Variants in MFSD6 observed in about 807,000 individuals in gnomAD.
The protein encoded by MFSD6 is major facilitator superfamily domain-containing protein 6.
In MFSD6, 26 loss-of-function variants were observed where a neutral mutation model predicts 56.3. The ratio of observed to expected loss-of-function variants is 0.46; its 90% CI spans 0.34 to 0.64. MFSD6 has a LOEUF of 0.64. Ranked by LOEUF, MFSD6 falls within the 30% of genes least tolerant of loss-of-function variation. The pLI, the probability that MFSD6 is intolerant of heterozygous loss-of-function variation, is 0.01. For synonymous variants in MFSD6, 331 were observed against 366.9 expected, an observed-to-expected ratio of 0.90 and a Z score of 1.12; for missense variants, 750 against 986.2, an observed-to-expected ratio of 0.76 and a Z score of 3.21.
Position 190,469,933 on chromosome 2 carries a change from C to G in MFSD6, c.1630+78C>G, listed in dbSNP as rs950719410. On this transcript the variant is annotated intron_variant, in intron 4 of 7. Coordinates refer to ENST00000392328, the MANE Select transcript of MFSD6 (RefSeq NM_017694.4). This position sits in a 1 kb window ranked among gnomAD's most constrained non-coding sequence, Gnocchi z 5.3. ...CTAAAAGCCCAGTGGCCTTCAGCATCTGATTCTATAAAGGAAGGGCAGGCC... is the reference window on the plus strand; with the variant it reads ...CTAAAAGCCCAGTGGCCTTCAGCATGTGATTCTATAAAGGAAGGGCAGGCC... The G allele has an allele frequency of 2.0e-6, 2 of 1,003,144 alleles. No individual in the cohort carries two copies. Among genetic ancestry groups the G allele is most frequent in the Non-Finnish European group, 3.0e-6 (2 of 660,958 alleles). The allele number at this position is 1,003,144 out of a possible 1,614,324, so 62.1% of individuals were successfully genotyped here.
At position 190,415,869 on chromosome 2, in the gene MFSD6, C is replaced by A. The variant is rs1003645171; in HGVS notation, c.-54+456C>A. Among the ~76,000 whole-genome samples the A allele has an allele frequency of 6.6e-6, 1 of 152,170 alleles. No individual in the cohort carries two copies. The highest frequency in any genetic ancestry group is 1.5e-5 in the Non-Finnish European group (1 of 68,032). On this transcript the variant is annotated intron_variant, in intron 2 of 7. Transcript: ENST00000392328. This position sits in a 1 kb window ranked among gnomAD's most constrained non-coding sequence, Gnocchi z 4.5. ...ACTCATAAAAGGTCTGAGAAAGAAG[C>A]ACCCATACATTTCTGTTTAAACTGC...
In MFSD6 at chr2:190,410,560, A is replaced by C. The variant is rs1005924489; in HGVS notation, c.-176+2057A>C. ...TAATTTATATATTTATTACGTATGT[A>C]TATTAATGTGTGTATGTTTACCCTT... On this transcript the variant is annotated intron_variant, in intron 1 of 7. Coordinates refer to ENST00000392328, the MANE Select transcript of MFSD6 (RefSeq NM_017694.4). This position sits in a 1 kb window ranked among gnomAD's most constrained non-coding sequence, Gnocchi z 4.4. Among the ~76,000 whole-genome samples the C allele has an allele frequency of 6.6e-6, 1 of 152,238 alleles. No homozygotes were observed. Among genetic ancestry groups the C allele is most frequent in the African/African-American group, 2.4e-5 (1 of 41,462 alleles).
In MFSD6 at chr2:190,439,408, G is replaced by A. The variant is rs992286671; in HGVS notation, c.1532+1847G>A. Among the ~76,000 whole-genome samples the A allele has an allele frequency of 6.6e-6, 1 of 151,768 alleles. No individual in the cohort carries two copies. Among genetic ancestry groups the A allele is most frequent in the African/African-American group, 2.4e-5 (1 of 41,256 alleles). ...TTATACTTTAAGTTTTAGGGTACACGTGCACAACGTGCAGATTTGTTGCAT... is the reference window on the plus strand; with the variant it reads ...TTATACTTTAAGTTTTAGGGTACACATGCACAACGTGCAGATTTGTTGCAT... On this transcript the variant is annotated intron_variant, in intron 3 of 7. Transcript: ENST00000392328. This position sits in a 1 kb window ranked among gnomAD's most constrained non-coding sequence, Gnocchi z 5.8.
Position 190,434,880 on chromosome 2 carries a change from G to C in MFSD6, c.-53-1097G>C, listed in dbSNP as rs929883336. Among the ~76,000 whole-genome samples, 1 of 152,194 alleles carries C rather than the reference G, an allele frequency of 6.6e-6. No individual in the cohort carries two copies. The highest frequency in any genetic ancestry group is 1.5e-5 in the Non-Finnish European group (1 of 68,026). On this transcript the variant is annotated intron_variant, in intron 2 of 7. Coordinates refer to ENST00000392328, the MANE Select transcript of MFSD6 (RefSeq NM_017694.4). The surrounding 1 kb of genome is among the most constrained non-coding windows in gnomAD (Gnocchi z 4.3). ...TGTTAGGAATTGGGCTGCACAGCAA[G>C]AGCGGGCCAGCAAGCATTATCACAT... is the stretch of plus-strand genomic sequence containing the variant.
rs2125136273 is a variant in MFSD6 at position 190,467,606 on chromosome 2, C to G, written c.1533-2152C>G. Among the ~76,000 whole-genome samples the G allele has an allele frequency of 6.6e-6, 1 of 152,230 alleles. No individual in the cohort carries two copies. Among genetic ancestry groups the G allele is most frequent in the South Asian group, 2.1e-4 (1 of 4,812 alleles). The stretch of plus-strand genomic sequence containing the variant: ...CTAGCCTCGGCAACAGAGCGAGACT[C>G]TGTCTCAAAAAAAGAAAAAGAATTA... On this transcript the variant is annotated intron_variant, in intron 3 of 7. Transcript: ENST00000392328. This position sits in a 1 kb window ranked among gnomAD's most constrained non-coding sequence, Gnocchi z 5.5.
In MFSD6 at chr2:190,438,720, G is replaced by GT. The variant is rs1343018125; in HGVS notation, c.1532+1160dup. ...GAAGTTGCTGTAACTAAAAGCAACC[G>GT]TATGTGTTTGTGTGTATTTAAATCT... On this transcript the variant is annotated intron_variant, in intron 3 of 7. Transcript: ENST00000392328. The surrounding 1 kb of genome is among the most constrained non-coding windows in gnomAD (Gnocchi z 5.2). Among the ~76,000 whole-genome samples the GT allele has an allele frequency of 7.9e-5, 12 of 152,236 alleles. No homozygotes were observed. The highest frequency in any genetic ancestry group is 3.4e-3 in the Middle Eastern group (1 of 294).
rs1422936791 is a variant in MFSD6, at chr2:190,412,179, T to G, written c.-175-3113T>G. On this transcript the variant is annotated intron_variant, in intron 1 of 7. Coordinates refer to ENST00000392328, the MANE Select transcript of MFSD6 (RefSeq NM_017694.4). This position sits in a 1 kb window ranked among gnomAD's most constrained non-coding sequence, Gnocchi z 4.1. ...ACCACTGCTTAGAATCCTTAAAAAT[T>G]AATACATTTCCAGACTTAGAAATCC... is the stretch of plus-strand genomic sequence containing the variant. The G allele has an allele frequency of 1.0e-6, 1 of 984,508 alleles. No individual in the cohort carries two copies. The highest frequency in any genetic ancestry group is 1.7e-5 in the African/African-American group (1 of 57,230). 61.0% of individuals were successfully genotyped at this position (984,508 alleles called of 1,614,324 possible).
intron 2 of MFSD6, among the ~76,000 whole-genome samples, chr2:190,430,831 G>A (rs1264279568): frequency 3.5e-4 from 51 of 146,606 alleles, no homozygotes; most frequent in African/African-American, 1.2e-3. Flanking sequence ...CGGGGCGGCC[G>A]GCCGGGCGGG....
At chr2:190,428,955 G>A (rs989545026) in intron 2 of MFSD6, among the ~76,000 whole-genome samples, 3 of 152,050 alleles carry the variant, frequency 2.0e-5, no homozygotes, top group African/African-American at 7.2e-5. Flanking sequence ...TTACAGGTGT[G>A]AGCCACCATG....
In MFSD6 at chr2:190,500,535, A is replaced by C. The variant is rs1689977997; in HGVS notation, c.*317A>C. ...GCAGTAAGAGTTGAAACCGGCAGTT[A>C]CACTAAGTAAGTGGAGGGAATGAAA... is the stretch of plus-strand genomic sequence containing the variant. On this transcript the variant is annotated 3_prime_UTR_variant, in exon 8 of 8. Coordinates refer to ENST00000392328, the MANE Select transcript of MFSD6 (RefSeq NM_017694.4). The surrounding 1 kb of genome is among the most constrained non-coding windows in gnomAD (Gnocchi z 5.3). 1 of 295,836 alleles carries C rather than the reference A, an allele frequency of 3.4e-6. No homozygotes were observed. The highest frequency in any genetic ancestry group is 4.6e-5 in the Admixed American group (1 of 21,652). The allele number at this position is 295,836 out of a possible 1,614,324, so 18.3% of individuals were successfully genotyped here.
In MFSD6 at chr2:190,458,442, T is replaced by C. The variant is rs950653832; in HGVS notation, c.1533-11316T>C. Among the ~76,000 whole-genome samples, 1 of 147,088 alleles carries C rather than the reference T, an allele frequency of 6.8e-6. No individual in the cohort carries two copies. Among genetic ancestry groups the C allele is most frequent in the African/African-American group, 2.5e-5 (1 of 40,244 alleles). ...GAGAGGGGCCCTGGAGAAACCAACA[T>C]TGCCAACACCTTGATTTTGGACTTT... On this transcript the variant is annotated intron_variant, in intron 3 of 7. Coordinates refer to ENST00000392328, the MANE Select transcript of MFSD6 (RefSeq NM_017694.4). This position sits in a 1 kb window ranked among gnomAD's most constrained non-coding sequence, Gnocchi z 5.3.
rs115695588 is a variant in MFSD6, at chr2:190,448,423, T to C, written c.1532+10862T>C. Among the ~76,000 whole-genome samples the C allele has an allele frequency of 7.7e-3, 1,178 of 152,312 alleles. 6 individuals are homozygous for C. Among genetic ancestry groups the C allele is most frequent in the Middle Eastern group, 0.024 (7 of 294 alleles). ...GAGAAACAGTCTAAATAGCCATCAA[T>C]TGAGGAATGGATACATTCAATATGG... On this transcript the variant is annotated intron_variant, in intron 3 of 7. Coordinates refer to ENST00000392328, the MANE Select transcript of MFSD6 (RefSeq NM_017694.4).
At position 190,465,960 on chromosome 2, in the gene MFSD6, AAAAC is replaced by A. The variant is rs1372152989; in HGVS notation, c.1533-3790_1533-3787del. On this transcript the variant is annotated intron_variant, in intron 3 of 7. Coordinates refer to ENST00000392328, the MANE Select transcript of MFSD6 (RefSeq NM_017694.4). The surrounding 1 kb of genome is among the most constrained non-coding windows in gnomAD (Gnocchi z 4.6). ...GCAAACCAAGATCATGCCATTGCAA[AAAAC>A]AAACAAAAAAACTCGGAAGTTTATT... Among the ~76,000 whole-genome samples, 6 of 152,186 alleles carry A rather than the reference AAAAC, an allele frequency of 3.9e-5. No homozygotes were observed. Among genetic ancestry groups the A allele is most frequent in the Admixed American group, 1.3e-4 (2 of 15,278 alleles).
At position 190,443,928 on chromosome 2, in the gene MFSD6, T is replaced by G. The variant is rs1266902286; in HGVS notation, c.1532+6367T>G. Among the ~76,000 whole-genome samples, 4 of 152,118 alleles carry G rather than the reference T, an allele frequency of 2.6e-5. No individual in the cohort carries two copies. The highest frequency in any genetic ancestry group is 6.5e-5 in the Admixed American group (1 of 15,276). Reference sequence around the variant, plus strand: ...TTAGCTGGGCATGGTGTCACACGCCTGTAGTCCCAGTTACTTGGGAGCCTG... The same window carrying G: ...TTAGCTGGGCATGGTGTCACACGCCGGTAGTCCCAGTTACTTGGGAGCCTG... On this transcript the variant is annotated intron_variant, in intron 3 of 7. Coordinates refer to ENST00000392328, the MANE Select transcript of MFSD6 (RefSeq NM_017694.4). This position sits in a 1 kb window ranked among gnomAD's most constrained non-coding sequence, Gnocchi z 4.2.
At chr2:190,453,580 A>G (rs534758494) in intron 3 of MFSD6, among the ~76,000 whole-genome samples, 1 of 152,328 alleles carries the variant, frequency 6.6e-6, no homozygotes, top group Admixed American at 6.5e-5. Context: ...GACTGTTGGG[A>G]AGAGACAAAT....
chr2:190,412,595 G>C lies in MFSD6; in HGVS notation c.-175-2697G>C, dbSNP rs1232249311. ...CAAACACATCTGATGTCAATTCTGTGTGGGGCAATGAAAACACCTTAATGC... is the reference window on the plus strand; with the variant it reads ...CAAACACATCTGATGTCAATTCTGTCTGGGGCAATGAAAACACCTTAATGC... On this transcript the variant is annotated intron_variant, in intron 1 of 7. Transcript: ENST00000392328. This position sits in a 1 kb window ranked among gnomAD's most constrained non-coding sequence, Gnocchi z 4.1. 1.0e-6 allele frequency: 1 copy of C among 985,372 alleles called. No homozygotes were observed. The highest frequency in any genetic ancestry group is 1.7e-5 in the African/African-American group (1 of 57,348). The allele number at this position is 985,372 out of a possible 1,614,324, so 61.0% of individuals were successfully genotyped here. A position where few individuals can be genotyped will look rare whatever the true frequency, so the allele number is the denominator to read the frequency against.
chr2:190,482,953 G>A (rs537206869), intron 4 of MFSD6, among the ~76,000 whole-genome samples: 42 of 129,588 alleles, frequency 3.2e-4, no homozygotes, highest in African/African-American at 1.0e-3. Flanking sequence ...CTGCAGTGGC[G>A]CAATCTCGGC....
chr2:190,467,376 GC>G lies in MFSD6; in HGVS notation c.1533-2380del, dbSNP rs144774103. 0.15 allele frequency among the ~76,000 whole-genome samples: 22,271 copies of G among 152,180 alleles called. 1,849 individuals carry two copies. The highest frequency in any genetic ancestry group is 0.22 in the Middle Eastern group (64 of 292). Reference sequence around the variant, plus strand: ...GCCTGTAATTCCAGCATTTTGGGAGGCCGAGGTGGGCGGACTACCTGAGGTC... The same window carrying G: ...GCCTGTAATTCCAGCATTTTGGGAGGCGAGGTGGGCGGACTACCTGAGGTC... On this transcript the variant is annotated intron_variant, in intron 3 of 7. Transcript: ENST00000392328. This position sits in a 1 kb window ranked among gnomAD's most constrained non-coding sequence, Gnocchi z 5.5.
intron 3 of MFSD6, among the ~76,000 whole-genome samples, chr2:190,440,537 C>T (rs1474643681): frequency 2.6e-5 from 4 of 152,172 alleles, no homozygotes; most frequent in Admixed American, 2.6e-4. Flanking sequence ...CTTCACATTG[C>T]TTAACATTTT....
Sources: gnomAD v4.1 joint callset for allele counts (sites outside exome capture counted in the v4.1 genomes callset) on GRCh38, gnomAD v4.1.1 for gene constraint, Gnocchi (gnomAD v3.1) non-coding constraint, MANE v1.5 for transcripts, NCBI Gene and HGNC (gene_info 2026-07-23, HGNC 2026-07-21) for gene names.